The following DAB1 variants were observed in gnomAD, a reference collection of about 807,000 sequenced individuals.
DAB1 encodes the protein DAB adaptor protein 1.
Under a neutral mutation model 64.6 loss-of-function variants are expected in DAB1, and 15 were observed. That is an observed-to-expected ratio of 0.23 (90% CI 0.16 to 0.36). The LOEUF is 0.36. Among genes scored for constraint, DAB1 ranks in the 10% least tolerant of loss-of-function variants. The probability of loss-of-function intolerance (pLI) is 1.00; values close to 1 mark genes in which losing one functional copy is unlikely to be tolerated. For synonymous variants in DAB1, 235 were observed against 251.9 expected (o/e 0.93, Z 0.64); for missense variants, 596 against 706.7 (o/e 0.84, Z 1.78).
chr1:57,858,608 T>C (rs1288124173), intron 1 of DAB1, among the ~76,000 whole-genome samples: 2 of 151,372 alleles, frequency 1.3e-5, no homozygotes, highest in Non-Finnish European at 2.9e-5. Context: ...CAGGTGCTTG[T>C]TAGGGGGTGG....
chr1:57,675,047 T>C (rs1041775999), intron 6 of DAB1, among the ~76,000 whole-genome samples: 1 of 152,210 alleles, frequency 6.6e-6, no homozygotes, highest in Non-Finnish European at 1.5e-5. Context: ...CAACTTCTAT[T>C]GCACCATATA....
intron 1 of DAB1, among the ~76,000 whole-genome samples, chr1:57,334,424 T>C (rs1351936685): frequency 6.6e-6 from 1 of 152,160 alleles, no homozygotes; most frequent in African/African-American, 2.4e-5. Context: ...AGCTAGTAAC[T>C]CTCCCCTCAC....
intron 5 of DAB1, among the ~76,000 whole-genome samples, chr1:57,965,232 G>A (rs965893018): frequency 6.6e-6 from 1 of 152,142 alleles, no homozygotes; most frequent in African/African-American, 2.4e-5. Flanking sequence ...GGTAGGGACT[G>A]GAGAGATTTA....
rs200136672 is a variant in DAB1, at chr1:57,840,551, G to GA, written n.88-14097dup. Among the ~76,000 whole-genome samples, 128 of 151,084 alleles carry GA rather than the reference G, an allele frequency of 8.5e-4. 3 individuals carry two copies. The South Asian group carries it at 0.014, about 17-fold the overall frequency. On this transcript the variant is annotated intron_variant and non_coding_transcript_variant, in intron 1 of 1. Coordinates refer to the DAB1 transcript ENST00000477280. ...AACTACTTGAGACTGGGTAATTTAT[G>GA]AAAAAAAAAGAAGTTTAATTGACTC...
chr1:58,209,500 A>T (rs1658445722), intron 4 of DAB1, among the ~76,000 whole-genome samples: 1 of 152,130 alleles, frequency 6.6e-6, no homozygotes, highest in Non-Finnish European at 1.5e-5. Context: ...CTAAGTAGCT[A>T]TTTTCCAATG....
chr1:58,402,653 GGA>G (rs948440761), intron 3 of DAB1, among the ~76,000 whole-genome samples: 12 of 150,200 alleles, frequency 8.0e-5, no homozygotes, highest in South Asian at 4.3e-4. Context: ...GAGGAGGGGG[GGA>G]GAGAGAGGGA....
intron 1 of DAB1, among the ~76,000 whole-genome samples, chr1:57,338,872 T>A (rs950823214): frequency 6.6e-6 from 1 of 152,136 alleles, no homozygotes; most frequent in Non-Finnish European, 1.5e-5. Context: ...GAGGAACAAA[T>A]GAAGTAATGT....
At chr1:58,435,250 T>C (rs758957694) in intron 3 of DAB1, among the ~76,000 whole-genome samples, 3 of 152,164 alleles carry the variant, frequency 2.0e-5, no homozygotes, top group Non-Finnish European at 2.9e-5. Context: ...GGTAGAACTT[T>C]TTTTCTGTTC....
At chr1:57,780,594 A>AG (rs1158937783) in intron 6 of DAB1, among the ~76,000 whole-genome samples, 1 of 110,824 alleles carries the variant, frequency 9.0e-6, no homozygotes, top group African/African-American at 2.8e-5. Flanking sequence ...AAAGAAAAAA[A>AG]ATCCATATTT....
At chr1:58,070,507 C>T (rs1429065770) in intron 5 of DAB1, among the ~76,000 whole-genome samples, 1 of 152,216 alleles carries the variant, frequency 6.6e-6, no homozygotes, top group Non-Finnish European at 1.5e-5. Flanking sequence ...CTCAGTCTTA[C>T]TTCTGCAGAA....
intron 5 of DAB1, among the ~76,000 whole-genome samples, chr1:57,933,642 T>G (rs1197661844): frequency 6.6e-6 from 1 of 152,246 alleles, no homozygotes; most frequent in Admixed American, 6.5e-5. Flanking sequence ...AATGAACACA[T>G]GATCTATTTC....
intron 4 of DAB1, among the ~76,000 whole-genome samples, chr1:58,191,553 G>C (rs1427269265): frequency 6.6e-6 from 1 of 152,174 alleles, no homozygotes; most frequent in Non-Finnish European, 1.5e-5. Context: ...CACTGGACTG[G>C]CTAACCGTGA....
intron 7 of DAB1, among the ~76,000 whole-genome samples, chr1:57,595,636 C>G (rs916657794): frequency 1.3e-5 from 2 of 151,776 alleles, no homozygotes; most frequent in African/African-American, 4.8e-5. Context: ...TCCCCCCCCA[C>G]CCCCCAAATC....
At chr1:57,012,065 C>T (rs1221792616) in intron 12 of DAB1, among the ~76,000 whole-genome samples, 1 of 152,128 alleles carries the variant, frequency 6.6e-6, no homozygotes, top group Non-Finnish European at 1.5e-5. Flanking sequence ...AACAAATATG[C>T]CATTTGATAC....
intron 4 of DAB1, among the ~76,000 whole-genome samples, chr1:58,164,076 G>GA (rs561476740): frequency 2.9e-3 from 438 of 150,776 alleles, no homozygotes; most frequent in Middle Eastern, 6.8e-3. Context: ...AAACATGAGT[G>GA]AAAAAAGCAA....
intron 1 of DAB1, among the ~76,000 whole-genome samples, chr1:57,877,995 A>AGATATTAAGATATTAATAT (rs1240528619): frequency 6.6e-6 from 1 of 152,214 alleles, no homozygotes; most frequent in Non-Finnish European, 1.5e-5. Context: ...TAATATCTTA[A>AGATATTAAGATATTAATAT]CGCACTGTCT....
chr1:57,713,689 T>C (rs114447538), intron 6 of DAB1, among the ~76,000 whole-genome samples: 1,668 of 152,260 alleles, frequency 0.011, 28 homozygotes, highest in African/African-American at 0.039. Flanking sequence ...GAAAGTAAAA[T>C]AGAACAAGTC....
At chr1:58,490,572 A>G (rs1456621702) in intron 3 of DAB1, among the ~76,000 whole-genome samples, 1 of 151,062 alleles carries the variant, frequency 6.6e-6, no homozygotes, top group African/African-American at 2.4e-5. Context: ...CCAACATTCA[A>G]ATTCAGGAAA....
intron 7 of DAB1, among the ~76,000 whole-genome samples, chr1:57,571,819 C>T (rs563060363): frequency 2.1e-4 from 32 of 152,192 alleles, no homozygotes; most frequent in Non-Finnish European, 3.8e-4. Flanking sequence ...GGTTCTAGCC[C>T]CAGGTCTGGT....
Sources: allele counts gnomAD v4.1 joint callset (sites outside exome capture counted in the v4.1 genomes callset), GRCh38; gene constraint gnomAD v4.1.1; transcripts MANE v1.5; gene names NCBI Gene and HGNC (gene_info 2026-07-23, HGNC 2026-07-21).